Variants in ADAMTS16 observed in about 807,000 individuals in gnomAD.
ADAMTS16 encodes the protein ADAM metallopeptidase with thrombospondin type 1 motif 16, also known as A disintegrin and metalloproteinase with thrombospondin motifs 16.
ADAMTS16 carries 94 observed loss-of-function variants against 145.8 expected under a neutral mutation model. The observed-to-expected ratio is 0.64, with a 90% CI of 0.55 to 0.77. The LOEUF is 0.77. ADAMTS16 is among the 30% of genes least tolerant of loss of function. The probability of loss-of-function intolerance (pLI) is 0.00; values close to 1 mark genes in which losing one functional copy is unlikely to be tolerated. For missense variants in ADAMTS16, 1,585 were observed against 1,591.5 expected (o/e 1.00, Z 0.07); for synonymous variants, 659 against 604.3 (o/e 1.09, Z -1.33).
At chr5:5,271,858 A>G (rs1471895732) in intron 18 of ADAMTS16, among the ~76,000 whole-genome samples, 1 of 152,104 alleles carries the variant, frequency 6.6e-6, no homozygotes, top group East Asian at 1.9e-4. Flanking sequence ...TGATATTTGG[A>G]TGGCTTATTC....
In ADAMTS16 at chr5:5,242,187, A is replaced by G; in HGVS notation, c.2658A>G (p.Gly886=). The G allele has an allele frequency of 6.2e-7, 1 of 1,613,526 alleles. No homozygotes were observed. Among genetic ancestry groups the G allele is most frequent in the Non-Finnish European group, 8.5e-7 (1 of 1,179,914 alleles). ...IVRSECSVSC[G]GGQMTVREGC... ...GCTCTGAGTGCTCCGTGTCCTGCGG[A>G]GGGGGTAGGTGCCTTCCAGTGCTGC... is the stretch of plus-strand genomic sequence containing the variant. Residue 886 remains glycine (G), a synonymous_variant, in exon 17 of 23, where the codon GGA becomes GGG. Coordinates refer to ENST00000274181, the MANE Select transcript of ADAMTS16 (RefSeq NM_139056.4).
chr5:5,182,449 A>G, intron 4 of ADAMTS16, 144 bp downstream of exon 4: 1 of 1,068,478 alleles, frequency 9.4e-7, no homozygotes, highest in Non-Finnish European at 1.3e-6. Context: ...CAATGATTCC[A>G]GAGAGAGTCC....
chr5:5,223,161 CATT>C, intron 11 of ADAMTS16: 1 of 428,882 alleles, frequency 2.3e-6, no homozygotes, highest in Non-Finnish European at 4.3e-6. Context: ...TGAGGGGAAA[CATT>C]AAGCCATTGA....
chr5:5,201,395 G>A (rs1210267541), intron 9 of ADAMTS16, among the ~76,000 whole-genome samples: 4 of 152,150 alleles, frequency 2.6e-5, no homozygotes, highest in African/African-American at 9.7e-5. Flanking sequence ...ATTTTAAAAT[G>A]AAGAACAGAG....
At chr5:5,248,897 G>T (rs1386229280) in intron 17 of ADAMTS16, among the ~76,000 whole-genome samples, 2 of 152,208 alleles carry the variant, frequency 1.3e-5, no homozygotes, top group Non-Finnish European at 2.9e-5. Flanking sequence ...TGTTTATATG[G>T]CTTGGTATAT....
intron 8 of ADAMTS16, among the ~76,000 whole-genome samples, 166 bp from the exon 9 acceptor site, chr5:5,199,954 TGTCTTGGAATAC>T (rs1275649758): frequency 6.6e-6 from 1 of 152,232 alleles, no homozygotes; most frequent in Non-Finnish European, 1.5e-5. Context: ...CTTCAGAAAC[TGTCTTGGAATAC>T]GTGAATATTC....
chr5:5,147,703 C>T (rs1734340800), intron 3 of ADAMTS16, among the ~76,000 whole-genome samples: 1 of 152,202 alleles, frequency 6.6e-6, no homozygotes, highest in South Asian at 2.1e-4. Context: ...AATAAGTCTT[C>T]CTTAACGGAC....
intron 8 of ADAMTS16, among the ~76,000 whole-genome samples, chr5:5,197,296 C>G (rs1381375745): frequency 1.3e-5 from 2 of 152,160 alleles, no homozygotes; most frequent in Non-Finnish European, 2.9e-5. Flanking sequence ...AATTGAATCA[C>G]TCAAAAAATA....
intron 10 of ADAMTS16, among the ~76,000 whole-genome samples, chr5:5,221,375 G>A (rs1736601863): frequency 6.6e-6 from 1 of 152,128 alleles, no homozygotes; most frequent in Non-Finnish European, 1.5e-5. Context: ...CAGTCTTCAT[G>A]GGAGCAGCCA....
At chr5:5,295,735 T>C (rs1739502697) in intron 18 of ADAMTS16, among the ~76,000 whole-genome samples, 1 of 152,128 alleles carries the variant, frequency 6.6e-6, no homozygotes, top group South Asian at 2.1e-4. Flanking sequence ...AGCAGACAGG[T>C]AGAGAGCCAC....
intron 11 of ADAMTS16, 146 bp from the exon 12 acceptor site, chr5:5,232,222 T>C: frequency 2.6e-6 from 2 of 784,226 alleles, no homozygotes; most frequent in Non-Finnish European, 3.9e-6. Context: ...ACTGTATTTA[T>C]ATTAGGTGCT....
chr5:5,156,265 A>T (rs529643223), intron 3 of ADAMTS16, among the ~76,000 whole-genome samples: 1 of 152,274 alleles, frequency 6.6e-6, no homozygotes, highest in African/African-American at 2.4e-5. Flanking sequence ...GTATTGAGAG[A>T]ATAACTACCA....
At chr5:5,274,005 A>G (rs766937068) in intron 18 of ADAMTS16, among the ~76,000 whole-genome samples, 5 of 152,004 alleles carry the variant, frequency 3.3e-5, no homozygotes, top group Non-Finnish European at 7.4e-5. Context: ...ATTGTGTTGT[A>G]TGTGTATGTG....
intron 17 of ADAMTS16, among the ~76,000 whole-genome samples, chr5:5,251,736 T>A (rs1277701497): frequency 6.6e-6 from 1 of 152,240 alleles, no homozygotes; most frequent in Non-Finnish European, 1.5e-5. Context: ...CTCTGCATCG[T>A]AGGACCCCAG....
At chr5:5,197,539 G>A (rs1310149218) in intron 8 of ADAMTS16, among the ~76,000 whole-genome samples, 1 of 152,078 alleles carries the variant, frequency 6.6e-6, no homozygotes, top group African/African-American at 2.4e-5. Context: ...AAACTAGTAA[G>A]GGGAAAAAGA....
chr5:5,193,833 G>C (rs1460596029), intron 8 of ADAMTS16, among the ~76,000 whole-genome samples: 4 of 152,212 alleles, frequency 2.6e-5, no homozygotes, highest in African/African-American at 9.6e-5. Context: ...GTCGGGCGTG[G>C]TGGCTCACTG....
At chr5:5,176,986 C>T (rs1374612041) in intron 3 of ADAMTS16, among the ~76,000 whole-genome samples, 1 of 152,240 alleles carries the variant, frequency 6.6e-6, no homozygotes, top group Non-Finnish European at 1.5e-5. Context: ...ACAATTCCAT[C>T]TATGCCTATA....
chr5:5,286,836 C>T (rs1198655630), intron 18 of ADAMTS16, among the ~76,000 whole-genome samples: 4 of 112,714 alleles, frequency 3.5e-5, no homozygotes, highest in Non-Finnish European at 4.9e-5. Flanking sequence ...CCAGCCTGGG[C>T]GATGGAGCAA....
intron 3 of ADAMTS16, among the ~76,000 whole-genome samples, chr5:5,171,956 G>C (rs554631185): frequency 9.9e-5 from 15 of 152,104 alleles, no homozygotes; most frequent in Admixed American, 4.6e-4. Context: ...TTTGTTATTG[G>C]TCTGTTCAGG....
Sources: gnomAD v4.1 joint callset for allele counts (sites outside exome capture counted in the v4.1 genomes callset) on GRCh38, gnomAD v4.1.1 for gene constraint, MANE v1.5 for transcripts, NCBI Gene and HGNC (gene_info 2026-07-23, HGNC 2026-07-21) for gene names.